GNG12: variants seen among roughly 807,000 people sequenced by gnomAD.
GNG12 encodes G protein subunit gamma 12.
For synonymous variants in GNG12, 28 were observed against 29.7 expected, an observed-to-expected ratio of 0.94 and a Z score of 0.19; for missense variants, 69 against 83.8, an observed-to-expected ratio of 0.82 and a Z score of 0.69.
chr1:67,777,472 G>C lies in GNG12; in HGVS notation c.-41C>G. On this transcript the variant is annotated 5_prime_UTR_variant, in exon 2 of 4. Coordinates refer to ENST00000370982, the MANE Select transcript of GNG12 (RefSeq NM_018841.6). The stretch of plus-strand genomic sequence containing the variant: ...GAAGAACTTACCAGTAAGACTTTGT[G>C]TGGTCCAATGTTTTCAGGTTTTAAG... 1.1e-6 allele frequency: 1 copy of C among 921,948 alleles called. No individual in the cohort carries two copies. Among genetic ancestry groups the C allele is most frequent in the Non-Finnish European group, 1.3e-6 (1 of 771,976 alleles). 57.1% of individuals were successfully genotyped at this position (921,948 alleles called of 1,614,324 possible).
At chr1:67,798,431 G>A (rs1646844739) in intron 1 of GNG12, among the ~76,000 whole-genome samples, 1 of 152,156 alleles carries the variant, frequency 6.6e-6, no homozygotes, top group Admixed American at 6.5e-5. Flanking sequence ...GTGCCAAAAA[G>A]GTTGGGGACC....
At chr1:67,758,894 G>C (rs1455331665) in intron 2 of GNG12, among the ~76,000 whole-genome samples, 1 of 149,940 alleles carries the variant, frequency 6.7e-6, no homozygotes, top group East Asian at 1.9e-4. Flanking sequence ...GGGAAGGGAA[G>C]GGGGGGATGA....
At chr1:67,795,481 T>C (rs1646825924) in intron 1 of GNG12, among the ~76,000 whole-genome samples, 1 of 152,200 alleles carries the variant, frequency 6.6e-6, no homozygotes, top group African/African-American at 2.4e-5. Flanking sequence ...TCCATACATA[T>C]CTGCTGATTA....
rs199548349 is a variant in GNG12, at chr1:67,776,525, T to C, written c.-27+933A>G. ...TCTCAGTGTCAAGATGCTTCTGCTC[T>C]CTCCTGGAACCCTGCCCAATCACCA... On this transcript the variant is annotated intron_variant, in intron 2 of 3. Transcript: ENST00000370982. 3.3e-5 allele frequency among the ~76,000 whole-genome samples: 5 copies of C among 152,168 alleles called. No individual in the cohort carries two copies. The East Asian group carries it at 7.7e-4, about 23-fold the overall frequency.
At chr1:67,779,154 C>G (rs1213619105) in intron 1 of GNG12, among the ~76,000 whole-genome samples, 1 of 152,172 alleles carries the variant, frequency 6.6e-6, no homozygotes, top group African/African-American at 2.4e-5. Context: ...ATCCCTATAT[C>G]TGTCTCAGCA....
intron 2 of GNG12, among the ~76,000 whole-genome samples, chr1:67,716,384 T>A (rs1171079034): frequency 6.6e-6 from 1 of 152,208 alleles, no homozygotes; most frequent in African/African-American, 2.4e-5. Flanking sequence ...ATAAAGATAA[T>A]AAGTTATAAT....
intron 2 of GNG12, among the ~76,000 whole-genome samples, chr1:67,747,995 G>C (rs559017089): frequency 4.6e-5 from 7 of 152,204 alleles, no homozygotes; most frequent in Non-Finnish European, 1.0e-4. Context: ...ATTCACTGGG[G>C]CAAAGTGGGA....
intron 1 of GNG12, among the ~76,000 whole-genome samples, chr1:67,809,048 A>G (rs1646908807): frequency 6.6e-6 from 1 of 152,210 alleles, no homozygotes; most frequent in South Asian, 2.1e-4. Flanking sequence ...TTATAAAGCT[A>G]GAGAAATTAA....
At chr1:67,832,044 C>T (rs1647049065) in intron 1 of GNG12, among the ~76,000 whole-genome samples, 1 of 152,130 alleles carries the variant, frequency 6.6e-6, no homozygotes, top group Non-Finnish European at 1.5e-5. Flanking sequence ...CTGACGACAT[C>T]CAAAAGATTC....
Position 67,702,722 on chromosome 1 carries a change from T to G in GNG12, c.*2729A>C, listed in dbSNP as rs1315853799. On this transcript the variant is annotated 3_prime_UTR_variant, in exon 4 of 4. Transcript: ENST00000370982. Reference sequence around the variant, plus strand: ...ACTTCGGAGTCATGAAATCATGCCGTGGTCCTGAGGCCTCAACTGGACAGA... The same window carrying G: ...ACTTCGGAGTCATGAAATCATGCCGGGGTCCTGAGGCCTCAACTGGACAGA... 1 of 152,154 alleles carries G rather than the reference T, an allele frequency of 6.6e-6. No homozygotes were observed. Among genetic ancestry groups the G allele is most frequent in the East Asian group, 1.9e-4 (1 of 5,202 alleles). 9.4% of individuals were successfully genotyped at this position (152,154 alleles called of 1,614,324 possible).
At chr1:67,765,223 A>AT in intron 2 of GNG12, among the ~76,000 whole-genome samples, 1 of 152,330 alleles carries the variant, frequency 6.6e-6, no homozygotes, top group South Asian at 2.1e-4. Context: ...CCAGTAGGCG[A>AT]TTAAGCTGAT....
chr1:67,709,115 T>G (rs758796322), intron 2 of GNG12, among the ~76,000 whole-genome samples: 11 of 152,246 alleles, frequency 7.2e-5, no homozygotes, highest in Non-Finnish European at 1.5e-4. Context: ...AAATTGTGCT[T>G]TTAACTGTGT....
chr1:67,815,706 T>A (rs1374741094), intron 1 of GNG12, among the ~76,000 whole-genome samples: 1 of 152,092 alleles, frequency 6.6e-6, no homozygotes, highest in Non-Finnish European at 1.5e-5. Context: ...AAGGTAGGGC[T>A]CGGTATGTGC....
At chr1:67,763,118 A>AGAGAGAGAGAGAGAGAGAGAGAGG (rs1279246951) in intron 2 of GNG12, among the ~76,000 whole-genome samples, 4 of 151,808 alleles carry the variant, frequency 2.6e-5, no homozygotes, top group South Asian at 4.2e-4. Context: ...AGAGAGAGAG[A>AGAGAGAGAGAGAGAGAGAGAGAGG]GAATCAATAT....
At chr1:67,723,314 G>A (rs72922746) in intron 2 of GNG12, among the ~76,000 whole-genome samples, 66 of 152,294 alleles carry the variant, frequency 4.3e-4, no homozygotes, top group African/African-American at 1.5e-3. Flanking sequence ...AGCAGAGACA[G>A]GCTGAGGGAA....
chr1:67,814,339 C>T (rs1011085285), intron 1 of GNG12, among the ~76,000 whole-genome samples: 3 of 152,208 alleles, frequency 2.0e-5, no homozygotes, highest in Admixed American at 2.0e-4. Context: ...TGAACTTCTT[C>T]CGCATTGTTT....
chr1:67,832,129 G>C lies in GNG12; in HGVS notation c.-77+1215C>G, dbSNP rs1199801377. Reference sequence around the variant, plus strand: ...AACTGTGTCGGCAAAGACAGCAGGGGGGAGAGGAAGTAACTGATGGGAAGG... The same window carrying C: ...AACTGTGTCGGCAAAGACAGCAGGGCGGAGAGGAAGTAACTGATGGGAAGG... On this transcript the variant is annotated intron_variant, in intron 1 of 3. Coordinates refer to ENST00000370982, the MANE Select transcript of GNG12 (RefSeq NM_018841.6). Among the ~76,000 whole-genome samples, 4 of 152,232 alleles carry C rather than the reference G, an allele frequency of 2.6e-5. No homozygotes were observed. In the South Asian group the frequency reaches 8.3e-4, roughly 32 times the overall value.
At position 67,777,428 on chromosome 1, in the gene GNG12, G is replaced by A. The variant is rs973172908; in HGVS notation, c.-27+30C>T. On this transcript the variant is annotated intron_variant, in intron 2 of 3. Coordinates refer to ENST00000370982, the MANE Select transcript of GNG12 (RefSeq NM_018841.6). The stretch of plus-strand genomic sequence containing the variant: ...ATCATCTCAAAAATAAAGTCAAACA[G>A]TCACTTTGTTTAAGAAATGAAGAAC... 6 of 727,824 alleles carry A rather than the reference G, an allele frequency of 8.2e-6. No individual in the cohort carries two copies. In the African/African-American group the frequency reaches 1.2e-4, roughly 14 times the overall value. The allele number at this position is 727,824 out of a possible 1,614,324, so 45.1% of individuals were successfully genotyped here. A position where few individuals can be genotyped will look rare whatever the true frequency, so the allele number is the denominator to read the frequency against.
intron 2 of GNG12, among the ~76,000 whole-genome samples, chr1:67,710,750 C>T (rs537684537): frequency 2.0e-5 from 3 of 152,262 alleles, no homozygotes; most frequent in African/African-American, 4.8e-5. Context: ...CTGATATCTG[C>T]GTTCAGACCT....
Sources: gnomAD v4.1 joint callset for allele counts (sites outside exome capture counted in the v4.1 genomes callset) on GRCh38, gnomAD v4.1.1 for gene constraint, MANE v1.5 for transcripts, NCBI Gene and HGNC (gene_info 2026-07-23, HGNC 2026-07-21) for gene names.